DNAH14: variants seen among roughly 807,000 people sequenced by gnomAD.
DNAH14 encodes the protein axonemal beta dynein heavy chain 14.
In DNAH14, 478 loss-of-function variants were observed where a neutral mutation model predicts 520.9. That is an observed-to-expected ratio of 0.92 (90% CI 0.85 to 0.99). DNAH14 has a LOEUF of 0.99. Among genes scored for constraint, DNAH14 ranks in the 50% least tolerant of loss-of-function variants. The probability of loss-of-function intolerance (pLI) is 0.00; values close to 1 mark genes in which losing one functional copy is unlikely to be tolerated. For synonymous variants in DNAH14, 1,581 were observed against 1,757.2 expected (o/e 0.90, Z 2.51); for missense variants, 4,831 against 5,234.5 (o/e 0.92, Z 2.38).
In DNAH14 at chr1:225,173,968, A is replaced by G. The variant is rs542517152; in HGVS notation, c.5535+5940A>G. On this transcript the variant is annotated intron_variant, in intron 36 of 85. Coordinates refer to ENST00000682510, the MANE Select transcript of DNAH14 (RefSeq NM_001367479.1). ...GAGTTCATGTCCTTTGTAGGGACAT[A>G]GATGAAGCTGGAAACCATCATTCTC... Among the ~76,000 whole-genome samples the G allele has an allele frequency of 5.9e-5, 9 of 152,310 alleles. No individual in the cohort carries two copies. The South Asian group carries it at 6.2e-4, about 11-fold the overall frequency.
At chr1:225,376,483 G>A (rs1019163838) in intron 78 of DNAH14, among the ~76,000 whole-genome samples, 1 of 152,154 alleles carries the variant, frequency 6.6e-6, no homozygotes, top group Non-Finnish European at 1.5e-5. Flanking sequence ...CAATGTGCAT[G>A]GTTTTGTACA....
chr1:225,082,818 T>C, intron 20 of DNAH14, 79 bp downstream of exon 20: 1 of 1,175,190 alleles, frequency 8.5e-7, no homozygotes, highest in East Asian at 2.6e-5. Flanking sequence ...AAATATACAA[T>C]GGATAGGAAT....
Position 225,100,706 on chromosome 1 carries a change from T to C in DNAH14, c.3696-7T>C. 1 of 1,471,430 alleles carries C rather than the reference T, an allele frequency of 6.8e-7. No individual in the cohort carries two copies. Among genetic ancestry groups the C allele is most frequent in the Non-Finnish European group, 9.0e-7 (1 of 1,116,482 alleles). 91.1% of individuals were successfully genotyped at this position (1,471,430 alleles called of 1,614,324 possible). ...AAATAAAATGACATCTAATTTTTTTTCTAAAGGCAACTCCCAGCAGAAACA... is the reference window on the plus strand; with the variant it reads ...AAATAAAATGACATCTAATTTTTTTCCTAAAGGCAACTCCCAGCAGAAACA... On this transcript the variant is annotated splice_region_variant and splice_polypyrimidine_tract_variant and intron_variant, in intron 22 of 85. Transcript: ENST00000682510.
At chr1:225,159,531 T>C (rs554119945) in intron 35 of DNAH14, 46 bp downstream of exon 35, 383 of 1,439,562 alleles carry the variant, frequency 2.7e-4, no homozygotes, top group Non-Finnish European at 3.1e-4. Flanking sequence ...GGATGTGGAA[T>C]ATCAATTAAG....
chr1:225,022,439 A>G (rs747540556), intron 10 of DNAH14, among the ~76,000 whole-genome samples: 39 of 152,174 alleles, frequency 2.6e-4, no homozygotes, highest in Non-Finnish European at 5.3e-4. Flanking sequence ...AAAAATGGGC[A>G]AAGGATATGA....
At position 225,360,779 on chromosome 1, in the gene DNAH14, A is replaced by G; in HGVS notation, c.11875A>G (p.Lys3959Glu). 2 of 1,551,758 alleles carry G rather than the reference A, an allele frequency of 1.3e-6. No individual in the cohort carries two copies. The highest frequency in any genetic ancestry group is 1.7e-6 in the Non-Finnish European group (2 of 1,146,988). ...TTCTCTGGGCCGTGACCAAGCAGCT[A>G]AAGCTGAAGACCTCATTTTAAAGGC... Reference protein sequence around the residue: ...IISLGRDQAAKAEDLILKALT... With the variant: ...IISLGRDQAAEAEDLILKALT... The change falls in exon 75 of 86, where the codon AAA (lysine) becomes GAA (glutamate). Residue 3959 changes from lysine (K) to glutamate (E), a missense_variant. Physicochemically the swap from Lys to Glu is moderately conservative, Grantham distance 56. Transcript: ENST00000682510.
intron 55 of DNAH14, among the ~76,000 whole-genome samples, 186 bp downstream of exon 55, chr1:225,290,268 T>C (rs1427363370): frequency 6.6e-6 from 1 of 152,086 alleles, no homozygotes; most frequent in Non-Finnish European, 1.5e-5. Context: ...GTTTATATAT[T>C]TGTAATGACG....
chr1:225,057,892 G>A (rs924717367), intron 17 of DNAH14, among the ~76,000 whole-genome samples: 3 of 152,186 alleles, frequency 2.0e-5, no homozygotes, highest in Non-Finnish European at 4.4e-5. Context: ...CTTGATCATG[G>A]TGGATAAGCT....
At chr1:225,113,582 CT>C (rs1165785525) in intron 23 of DNAH14, among the ~76,000 whole-genome samples, 5 of 152,188 alleles carry the variant, frequency 3.3e-5, no homozygotes, top group African/African-American at 7.2e-5. Flanking sequence ...TGAGTTCCCC[CT>C]GGGCCCTGGG....
At chr1:225,299,359 T>G (rs2150057064) in intron 55 of DNAH14, among the ~76,000 whole-genome samples, 1 of 152,312 alleles carries the variant, frequency 6.6e-6, no homozygotes, top group African/African-American at 2.4e-5. Flanking sequence ...TTTCAACCCC[T>G]CATCCTGTTT....
chr1:225,346,555 G>C lies in DNAH14; in HGVS notation c.11197G>C (p.Asp3733His). ...CAATGCTAATGGAAATCTAATACAG[G>C]ATGACATTGGATTCCTACCAGAAGA... ...QNNANGNLIQ[D>H]DIGFLPEEEW... Residue 3733 changes from aspartate to histidine, a missense_variant, in exon 71 of 86, where the codon GAT becomes CAT. By Grantham distance (81) the Asp-to-His change is moderately conservative. Coordinates refer to ENST00000682510, the MANE Select transcript of DNAH14 (RefSeq NM_001367479.1). 6.4e-7 allele frequency: 1 copy of C among 1,550,910 alleles called. No homozygotes were observed. The highest frequency in any genetic ancestry group is 1.2e-5 in the South Asian group (1 of 84,014).
chr1:225,015,501 G>A (rs936648152), intron 10 of DNAH14, among the ~76,000 whole-genome samples: 2 of 152,072 alleles, frequency 1.3e-5, no homozygotes, highest in African/African-American at 4.8e-5. Flanking sequence ...GCACGATGGT[G>A]GTTATCATCT....
At chr1:225,037,737 C>T (rs576915403) in intron 11 of DNAH14, among the ~76,000 whole-genome samples, 143 of 152,238 alleles carry the variant, frequency 9.4e-4, no homozygotes, top group African/African-American at 3.4e-3. Context: ...GGCTGGAGTG[C>T]AATGGTGCAA....
intron 66 of DNAH14, among the ~76,000 whole-genome samples, chr1:225,335,479 G>A (rs545285854): frequency 0.027 from 2,108 of 76,816 alleles, 443 homozygotes; most frequent in African/African-American, 0.11. Context: ...GTGTGTGTAT[G>A]CACATATACA....
intron 33 of DNAH14, among the ~76,000 whole-genome samples, chr1:225,153,369 A>G (rs964868781): frequency 2.6e-5 from 4 of 152,150 alleles, no homozygotes; most frequent in African/African-American, 9.6e-5. Context: ...TCTACACTTT[A>G]ACAATTATTG....
At chr1:225,145,184 A>G (rs907653973) in intron 29 of DNAH14, 142 bp from the exon 30 acceptor site, 1 of 591,682 alleles carries the variant, frequency 1.7e-6, no homozygotes, top group African/African-American at 1.9e-5. Context: ...AGTTTTGTGA[A>G]TCTCTAAATT....
At chr1:224,975,508 T>C (rs1420981800) in intron 8 of DNAH14, among the ~76,000 whole-genome samples, 1 of 152,102 alleles carries the variant, frequency 6.6e-6, no homozygotes, top group African/African-American at 2.4e-5. Context: ...TCTAGTTTAT[T>C]TGCGTAGAGG....
intron 2 of DNAH14, among the ~76,000 whole-genome samples, chr1:224,953,442 TTTAA>T (rs1264481458): frequency 6.6e-6 from 1 of 152,128 alleles, no homozygotes; most frequent in Admixed American, 6.5e-5. Flanking sequence ...AATTATAAAG[TTTAA>T]TTGAGAATTC....
rs1304408439 is a variant in DNAH14, at chr1:225,144,629, G to C, written c.4740+1G>C. 1 of 1,547,240 alleles carries C rather than the reference G, an allele frequency of 6.5e-7. No individual in the cohort carries two copies. Among genetic ancestry groups the C allele is most frequent in the Non-Finnish European group, 8.7e-7 (1 of 1,144,082 alleles). ...TGAGACTGTCAAAGATCTAGCAAAAGTAAGTGGTTTCTGTATCCAGAATAA... is the reference window on the plus strand; with the variant it reads ...TGAGACTGTCAAAGATCTAGCAAAACTAAGTGGTTTCTGTATCCAGAATAA... On this transcript the variant is annotated splice_donor_variant, in intron 29 of 85. Transcript: ENST00000682510. LOFTEE classifies it high-confidence loss of function.
Sources: allele counts gnomAD v4.1 joint callset (sites outside exome capture counted in the v4.1 genomes callset), GRCh38; gene constraint gnomAD v4.1.1; transcripts MANE v1.5; gene names NCBI Gene and HGNC (gene_info 2026-07-23, HGNC 2026-07-21).